The following NUP160 variants were observed in gnomAD, a reference collection of about 807,000 sequenced individuals.
NUP160 encodes the protein nucleoporin 160, also known as nuclear pore complex protein Nup160.
In NUP160, 94 loss-of-function variants were observed where a neutral mutation model predicts 196.9. The ratio of observed to expected loss-of-function variants is 0.48; its 90% CI spans 0.40 to 0.57. The LOEUF (loss-of-function observed/expected upper bound fraction) is 0.57. NUP160 is among the 20% of genes least tolerant of loss of function. The probability of loss-of-function intolerance (pLI) is 0.00; values close to 1 mark genes in which losing one functional copy is unlikely to be tolerated. For synonymous variants in NUP160, 605 were observed against 619.7 expected (o/e 0.98, Z 0.35); for missense variants, 1,638 against 1,748.3 (o/e 0.94, Z 1.13).
chr11:47,808,630 G>A (rs938608850), intron 17 of NUP160, 101 bp from the exon 18 acceptor site: 1 of 916,432 alleles, frequency 1.1e-6, no homozygotes, highest in Non-Finnish European at 1.6e-6. Flanking sequence ...CAAATACAAA[G>A]GTCACAATAC....
intron 20 of NUP160, 44 bp downstream of exon 20, chr11:47,806,109 C>T (rs372585052): frequency 2.6e-5 from 41 of 1,590,542 alleles, no homozygotes; most frequent in African/African-American, 5.4e-5. Flanking sequence ...CCAACATGCC[C>T]GGCCAGAAGA....
At chr11:47,799,488 T>A (rs1323597640) in intron 23 of NUP160, among the ~76,000 whole-genome samples, 1 of 152,158 alleles carries the variant, frequency 6.6e-6, no homozygotes, top group African/African-American at 2.4e-5. Context: ...TACATATGTA[T>A]GATACATCCA....
chr11:47,788,837 TTACAAGGTAC>T (rs1351610702), intron 29 of NUP160, among the ~76,000 whole-genome samples: 1 of 152,068 alleles, frequency 6.6e-6, no homozygotes, highest in East Asian at 1.9e-4. Flanking sequence ...GAGGAGGTGC[TTACAAGGTAC>T]TACATGTAAT....
chr11:47,782,357 T>C (rs1186995648), intron 34 of NUP160, among the ~76,000 whole-genome samples: 2 of 123,064 alleles, frequency 1.6e-5, no homozygotes, highest in East Asian at 2.4e-4. Flanking sequence ...TATATATATA[T>C]GCGCCTATAC....
intron 4 of NUP160, 174 bp downstream of exon 4, chr11:47,839,669 T>C: frequency 1.6e-6 from 1 of 623,068 alleles, no homozygotes; most frequent in Non-Finnish European, 2.8e-6. Context: ...TGCTTTATAG[T>C]TCCTTATCCA....
intron 19 of NUP160, among the ~76,000 whole-genome samples, chr11:47,806,842 CACACACACACATAT>C (rs1485920846): frequency 1.9e-5 from 2 of 103,360 alleles, no homozygotes; most frequent in Non-Finnish European, 4.1e-5. Context: ...CACACACACA[CACACACACACATAT>C]ATATACCATA....
chr11:47,824,574 T>C (rs1160436985), intron 7 of NUP160, among the ~76,000 whole-genome samples: 1 of 151,596 alleles, frequency 6.6e-6, no homozygotes, highest in Admixed American at 6.6e-5. Context: ...CGCCCCACTA[T>C]ACTCCAGCCT....
chr11:47,836,809 G>T, intron 6 of NUP160, 78 bp downstream of exon 6: 1 of 871,914 alleles, frequency 1.1e-6, no homozygotes, highest in Non-Finnish European at 1.9e-6. Context: ...AATCTTTAGA[G>T]AAACAGCAAA....
At position 47,792,966 on chromosome 11, in the gene NUP160, T is replaced by A. The variant is rs1565189411; in HGVS notation, c.3290-20A>T. 2 of 1,594,392 alleles carry A rather than the reference T, an allele frequency of 1.3e-6. No individual in the cohort carries two copies. Among genetic ancestry groups the A allele is most frequent in the Non-Finnish European group, 1.7e-6 (2 of 1,173,784 alleles). On this transcript the variant is annotated intron_variant, in intron 27 of 35. Coordinates refer to ENST00000378460, the Ensembl canonical transcript of NUP160. ...TGCCAGCTATGAGGAGATAATAAAT[T>A]AGACTTTAGAACTTCCAAATTTTTT...
chr11:47,782,304 ATATATATAT>A lies in NUP160; in HGVS notation c.4116+760_4116+768del, dbSNP rs1276844099. On this transcript the variant is annotated intron_variant, in intron 34 of 35. Coordinates refer to ENST00000378460, the Ensembl canonical transcript of NUP160. ...AAAACTCAGTTAAAAAAAAAAAAAA[ATATATATAT>A]ATATATATATATATATATATATATA... Among the ~76,000 whole-genome samples, 398 of 52,082 alleles carry A rather than the reference ATATATATAT, an allele frequency of 7.6e-3. 33 individuals carry two copies. Among genetic ancestry groups the A allele is most frequent in the African/African-American group, 0.011 (152 of 13,596 alleles). 34.2% of individuals were successfully genotyped at this position (52,082 alleles called of 152,430 possible).
exon 6 of NUP160, chr11:47,836,996 T>C: frequency 6.2e-7 from 1 of 1,607,682 alleles, no homozygotes; most frequent in Non-Finnish European, 8.5e-7. Context: ...AGGCGACTGG[T>C]CACCCCTAAA....
intron 7 of NUP160, among the ~76,000 whole-genome samples, chr11:47,826,563 C>CA (rs1179389983): frequency 6.7e-6 from 1 of 149,850 alleles, no homozygotes; most frequent in Admixed American, 6.6e-5. Context: ...GTAAAAATCC[C>CA]CCCCCCCTTT....
At chr11:47,808,297 A>G in intron 18 of NUP160, 99 bp downstream of exon 18, 1 of 1,226,552 alleles carries the variant, frequency 8.2e-7, no homozygotes, top group South Asian at 1.5e-5. Context: ...CAAAAACAAA[A>G]ACAAAAACAA....
At chr11:47,803,131 C>G (rs980721244) in intron 22 of NUP160, among the ~76,000 whole-genome samples, 2 of 130,048 alleles carry the variant, frequency 1.5e-5, no homozygotes, top group African/African-American at 5.5e-5. Flanking sequence ...TAGTGAGACC[C>G]TGATTTTACA....
At chr11:47,809,145 T>C (rs1465380002) in intron 17 of NUP160, among the ~76,000 whole-genome samples, 1 of 149,994 alleles carries the variant, frequency 6.7e-6, no homozygotes. Flanking sequence ...TATGTGCCTG[T>C]AGTCCCAGGT....
chr11:47,785,103 T>TTTTTTTTTTTTTG, intron 32 of NUP160, 40 bp from the exon 33 acceptor site: 3 of 1,086,532 alleles, frequency 2.8e-6, no homozygotes, highest in East Asian at 2.7e-5. Flanking sequence ...TTCAGATTCT[T>TTTTTTTTTTTTTG]AATAGCTATT....
intron 2 of NUP160, among the ~76,000 whole-genome samples, chr11:47,840,893 T>C (rs1454959444): frequency 6.6e-6 from 1 of 152,180 alleles, no homozygotes. Context: ...ACCCCGGCCA[T>C]TGCTTGTAGT....
Position 47,821,838 on chromosome 11 carries a change from G to A in NUP160, c.1180-17C>T, listed in dbSNP as rs1292174236. On this transcript the variant is annotated splice_polypyrimidine_tract_variant and intron_variant, in intron 8 of 35. Transcript: ENST00000378460. Reference sequence around the variant, plus strand: ...CAGTGTCTCCTAGGAGGAAATGTGGGAAAAAAAGGGATAAAATAAGAAAGA... The same window carrying A: ...CAGTGTCTCCTAGGAGGAAATGTGGAAAAAAAAGGGATAAAATAAGAAAGA... The A allele has an allele frequency of 1.3e-6, 2 of 1,564,874 alleles. No individual in the cohort carries two copies. The highest frequency in any genetic ancestry group is 1.8e-6 in the Non-Finnish European group (2 of 1,137,216).
In NUP160 at chr11:47,797,764, G is replaced by C. The variant is rs1430860509; in HGVS notation, c.3289+15C>G. 1 of 1,558,076 alleles carries C rather than the reference G, an allele frequency of 6.4e-7. No homozygotes were observed. Among genetic ancestry groups the C allele is most frequent in the Non-Finnish European group, 8.9e-7 (1 of 1,129,108 alleles). On this transcript the variant is annotated intron_variant, in intron 27 of 35. Transcript: ENST00000378460. ...TAAGGCTGTCTGCAAGATACTGTCT[G>C]GTTACATTGCTCACCCTTGCGGTAA...
Sources: gnomAD v4.1 joint callset for allele counts (sites outside exome capture counted in the v4.1 genomes callset) on GRCh38, gnomAD v4.1.1 for gene constraint, MANE v1.5 for transcripts, NCBI Gene and HGNC (gene_info 2026-07-23, HGNC 2026-07-21) for gene names.